RABL6: variants seen among roughly 807,000 people sequenced by gnomAD.
The protein encoded by RABL6 is rab-like protein 6.
Under a neutral mutation model 72.9 loss-of-function variants are expected in RABL6, and 28 were observed. The observed-to-expected ratio is 0.38, with a 90% confidence interval of 0.28 to 0.53. The LOEUF (loss-of-function observed/expected upper bound fraction) is 0.53. RABL6 is among the 20% of genes least tolerant of loss of function. The probability of loss-of-function intolerance (pLI) is 0.80; values close to 1 mark genes in which losing one functional copy is unlikely to be tolerated. For synonymous variants in RABL6, 477 were observed against 421.2 expected, an observed-to-expected ratio of 1.13 and a Z score of -1.62; for missense variants, 1,029 against 1,008.4, an observed-to-expected ratio of 1.02 and a Z score of -0.28.
At chr9:136,818,061 C>CAAAAAAAAAA in intron 1 of RABL6, among the ~76,000 whole-genome samples, 1 of 78,482 alleles carries the variant, frequency 1.3e-5, no homozygotes, top group Non-Finnish European at 2.3e-5. Flanking sequence ...GACTCCATCT[C>CAAAAAAAAAA]AAAAAAAAAA....
rs1161738095 is a variant in RABL6, at chr9:136,840,436, A to T, written c.2104A>T (p.Thr702Ser). The stretch of plus-strand genomic sequence containing the variant: ...GCGGCCCCCGCGCAGCAGGGAGAGG[A>T]CGGCTGCCGATGAGCTGGAGGCTTT... The part of the protein sequence containing the change: ...QQRPPRSRER[T>S]AADELEAFLG... Residue 702 changes from threonine to serine, a missense_variant, in exon 15 of 15, where the codon ACG becomes TCG. Coordinates refer to ENST00000311502, the MANE Select transcript of RABL6 (RefSeq NM_024718.5). 2.6e-6 allele frequency: 4 copies of T among 1,548,168 alleles called. No homozygotes were observed. The African/African-American group carries it at 4.1e-5, about 16-fold the overall frequency.
At chr9:136,815,460 C>A in intron 1 of RABL6, 1 of 272,288 alleles carries the variant, frequency 3.7e-6, no homozygotes, top group Non-Finnish European at 7.2e-6. Context: ...ATCTTCACTT[C>A]CTCCTTCTGC....
rs1173411995 is a variant in RABL6 at position 136,831,741 on chromosome 9, G to A, written c.479G>A (p.Arg160Gln). 14 of 1,613,330 alleles carry A rather than the reference G, an allele frequency of 8.7e-6. No individual in the cohort carries two copies. The highest frequency in any genetic ancestry group is 1.7e-4 in the Middle Eastern group (1 of 6,058). ...CCGAGGACCTTCAATTACATTCTCC[G>A]GGAGCTTCCAAAAGTGCCCACCCAC... is the stretch of plus-strand genomic sequence containing the variant. ...TKQWTFNYILRELPKVPTHVP... is the reference protein window; with the variant it reads ...TKQWTFNYILQELPKVPTHVP... Residue 160 changes from arginine (R) to glutamine (Q), a missense_variant, in exon 6 of 15, where the codon CGG becomes CAG. By Grantham distance (43) the Arg-to-Gln change is conservative. Around this residue, in one of 2 missense-constraint regions of RABL6, gnomAD observed 434 missense variants for 536.1 expected, o/e 0.81. Coordinates refer to ENST00000311502, the MANE Select transcript of RABL6 (RefSeq NM_024718.5).
At chr9:136,824,326 G>GT (rs34760204) in intron 2 of RABL6, among the ~76,000 whole-genome samples, 2,877 of 74,338 alleles carry the variant, frequency 0.039, 85 homozygotes, top group African/African-American at 0.086. Flanking sequence ...GTTTGGTTGG[G>GT]TTTTTTTTTT....
chr9:136,833,874 C>T (rs904569706), intron 7 of RABL6: 1 of 1,550,496 alleles, frequency 6.4e-7, no homozygotes, highest in Non-Finnish European at 8.7e-7. Context: ...CTGGGGAGGC[C>T]CCTCCTTCCT....
At position 136,822,029 on chromosome 9, in the gene RABL6, A is replaced by G. The variant is rs531096337; in HGVS notation, c.131-1496A>G. On this transcript the variant is annotated intron_variant, in intron 1 of 14. Transcript: ENST00000311502. ...ATGGGCGAGGAAATGAACAAGCTTC[A>G]GGGGAGAAGAAATGACTGTGGGAAC... 190 of 1,289,704 alleles carry G rather than the reference A, an allele frequency of 1.5e-4. 4 individuals are homozygous for G. In the South Asian group the frequency reaches 2.3e-3, roughly 15 times the overall value. The allele number at this position is 1,289,704 out of a possible 1,614,324, so 79.9% of individuals were successfully genotyped here.
chr9:136,839,794 G>C lies in RABL6; in HGVS notation c.1859G>C (p.Arg620Thr), dbSNP rs530750062. The change falls in exon 13 of 15, where the codon AGA becomes ACA. Residue 620 changes from arginine (R) to threonine (T), a missense_variant. Physicochemically the swap from Arg to Thr is moderately conservative, Grantham distance 71 (BLOSUM62 -1). Transcript: ENST00000311502. ...PPPKLPLPAF[R>T]LKNDSDLFGL... Reference sequence around the variant, plus strand: ...CCCAAGCTCCCTCTCCCCGCCTTCAGACTGAAGAATGACTCGGACCTCTTC... The same window carrying C: ...CCCAAGCTCCCTCTCCCCGCCTTCACACTGAAGAATGACTCGGACCTCTTC... The C allele has an allele frequency of 1.2e-6, 2 of 1,612,758 alleles. No individual in the cohort carries two copies. The highest frequency in any genetic ancestry group is 1.7e-6 in the Non-Finnish European group (2 of 1,179,844).
intron 1 of RABL6, among the ~76,000 whole-genome samples, chr9:136,822,537 C>T (rs77299927): frequency 0.013 from 1,922 of 152,328 alleles, 43 homozygotes; most frequent in African/African-American, 0.044. Flanking sequence ...CTTCCAGCAC[C>T]TCCGCAGGCT....
In RABL6 at chr9:136,820,430, G is replaced by A. The variant is rs190341201; in HGVS notation, c.131-3095G>A. On this transcript the variant is annotated intron_variant, in intron 1 of 14. Coordinates refer to ENST00000311502, the MANE Select transcript of RABL6 (RefSeq NM_024718.5). Reference sequence around the variant, plus strand: ...TCTGTTGCCCAGGCTGGAGTGCAGTGGTGTGATCTTGGCTCACTGCAACCT... The same window carrying A: ...TCTGTTGCCCAGGCTGGAGTGCAGTAGTGTGATCTTGGCTCACTGCAACCT... Among the ~76,000 whole-genome samples the A allele has an allele frequency of 4.6e-5, 7 of 152,126 alleles. No individual in the cohort carries two copies. In the East Asian group the frequency reaches 9.7e-4, roughly 21 times the overall value.
Position 136,841,018 on chromosome 9 carries a change from A to T in RABL6, c.*496A>T, listed in dbSNP as rs566255695. 7.0e-7 allele frequency: 1 copy of T among 1,433,296 alleles called. No individual in the cohort carries two copies. The highest frequency in any genetic ancestry group is 1.4e-5 in the African/African-American group (1 of 69,314). The allele number at this position is 1,433,296 out of a possible 1,614,324, so 88.8% of individuals were successfully genotyped here. ...AAGGGCGGCCCAGGCCCCACGCTAG[A>T]AGGCTGGCGAGACCGAAGGCAGCAT... On this transcript the variant is annotated 3_prime_UTR_variant, in exon 15 of 15. Coordinates refer to ENST00000311502, the MANE Select transcript of RABL6 (RefSeq NM_024718.5).
intron 1 of RABL6, among the ~76,000 whole-genome samples, chr9:136,810,661 C>T (rs1847991080): frequency 6.6e-6 from 1 of 152,148 alleles, no homozygotes; most frequent in Admixed American, 6.5e-5. Flanking sequence ...CCTGCTTCAG[C>T]CTCCCGAGTA....
In RABL6 at chr9:136,840,515, AGCTCTAGGCCG is replaced by A; in HGVS notation, c.2186_*6del. ...CACCCTGGGGGTGGCGACTACGAGG[AGCTCTAGGCCG>A]GCGTGGGCAGTGGCCGCCCTGGGGC... On this transcript the variant is annotated stop_lost and 3_prime_UTR_variant, in exon 15 of 15. Coordinates refer to ENST00000311502, the MANE Select transcript of RABL6 (RefSeq NM_024718.5). 1 of 1,505,422 alleles carries A rather than the reference AGCTCTAGGCCG, an allele frequency of 6.6e-7. No homozygotes were observed. The highest frequency in any genetic ancestry group is 8.9e-7 in the Non-Finnish European group (1 of 1,125,478). 93.3% of individuals were successfully genotyped at this position (1,505,422 alleles called of 1,614,324 possible).
Position 136,837,980 on chromosome 9 carries a change from G to A in RABL6, c.1245G>A (p.Lys415=). ...EDTTPARDEK[K]VGAKAAQQDS... Reference sequence around the variant, plus strand: ...CAACCCCCGCCAGGGACGAGAAGAAGGTGGGGGCCAAGGCTGCCCAGCAGG... The same window carrying A: ...CAACCCCCGCCAGGGACGAGAAGAAAGTGGGGGCCAAGGCTGCCCAGCAGG... Residue 415 remains lysine, a synonymous_variant, in exon 10 of 15, where the codon AAG becomes AAA. Transcript: ENST00000311502. 1 of 1,569,792 alleles carries A rather than the reference G, an allele frequency of 6.4e-7. No homozygotes were observed. Among genetic ancestry groups the A allele is most frequent in the Admixed American group, 1.9e-5 (1 of 53,460 alleles).
At position 136,840,646 on chromosome 9, in the gene RABL6, A is replaced by G; in HGVS notation, c.*124A>G. Reference sequence around the variant, plus strand: ...GCTGCCGTGTGCGCTTCTGAGCTGGAAGAGGCCGGGCATTGGTGGTCCCCA... The same window carrying G: ...GCTGCCGTGTGCGCTTCTGAGCTGGGAGAGGCCGGGCATTGGTGGTCCCCA... On this transcript the variant is annotated 3_prime_UTR_variant, in exon 15 of 15. Transcript: ENST00000311502. The G allele has an allele frequency of 6.5e-7, 1 of 1,549,562 alleles. No individual in the cohort carries two copies. Among genetic ancestry groups the G allele is most frequent in the South Asian group, 1.2e-5 (1 of 84,028 alleles).
chr9:136,812,563 A>C (rs552056906), intron 1 of RABL6, among the ~76,000 whole-genome samples: 1 of 152,284 alleles, frequency 6.6e-6, no homozygotes, highest in African/African-American at 2.4e-5. Flanking sequence ...CGTCTTAAAA[A>C]AAAAAGAAAA....
chr9:136,828,785 A>G (rs953952986), intron 4 of RABL6, among the ~76,000 whole-genome samples: 1 of 151,516 alleles, frequency 6.6e-6, no homozygotes, highest in African/African-American at 2.4e-5. Context: ...CATTTGAGTG[A>G]CCTGAGAGGT....
In RABL6 at chr9:136,831,879, G is replaced by C; in HGVS notation, c.599+18G>C. On this transcript the variant is annotated intron_variant, in intron 6 of 14. Transcript: ENST00000311502. ...CTGGACAGGTGGGTGCGGTGGCCCT[G>C]CTCCCGAGGGACCCTGCCCGGTGCT... 1 of 1,598,574 alleles carries C rather than the reference G, an allele frequency of 6.3e-7. No individual in the cohort carries two copies. Among genetic ancestry groups the C allele is most frequent in the African/African-American group, 1.3e-5 (1 of 74,844 alleles).
chr9:136,818,821 AAAG>A (rs1417045324), intron 1 of RABL6, among the ~76,000 whole-genome samples: 2 of 152,202 alleles, frequency 1.3e-5, no homozygotes, highest in East Asian at 3.8e-4. Flanking sequence ...AGGGTATATA[AAAG>A]AAGAAACTAC....
chr9:136,836,787 AGCT>A (rs1848591493), intron 8 of RABL6: 1 of 189,602 alleles, frequency 5.3e-6, no homozygotes, highest in Non-Finnish European at 1.1e-5. Context: ...AGCCCCCAAC[AGCT>A]GTGCCTCAGA....
Sources: gnomAD v4.1 joint callset for allele counts (sites outside exome capture counted in the v4.1 genomes callset) on GRCh38, gnomAD v4.1.1 for gene constraint, gnomAD v4.1.1 regional missense constraint, MANE v1.5 for transcripts, NCBI Gene and HGNC (gene_info 2026-07-23, HGNC 2026-07-21) for gene names.